CC2D2A: variants seen among roughly 807,000 people sequenced by gnomAD.
CC2D2A encodes coiled-coil and C2 domain containing 2A.
In CC2D2A, 155 loss-of-function variants were observed where a neutral mutation model predicts 212.9. The observed-to-expected ratio is 0.73, with a 90% CI of 0.64 to 0.83. The LOEUF (loss-of-function observed/expected upper bound fraction) is 0.83. Among genes scored for constraint, CC2D2A ranks in the 40% least tolerant of loss-of-function variants. The probability of loss-of-function intolerance (pLI) is 0.00; values close to 1 mark genes in which losing one functional copy is unlikely to be tolerated. For synonymous variants in CC2D2A, 667 were observed against 686.5 expected (o/e 0.97, Z 0.44); for missense variants, 1,856 against 1,956.2 (o/e 0.95, Z 0.97).
chr4:15,535,392 A>C (rs1272424915), intron 14 of CC2D2A, among the ~76,000 whole-genome samples: 1 of 152,064 alleles, frequency 6.6e-6, no homozygotes, highest in East Asian at 1.9e-4. Flanking sequence ...GGTAAACTAA[A>C]TTTATAGGCA....
In CC2D2A at chr4:15,553,149, T is replaced by C; in HGVS notation, c.2339-9T>C. On this transcript the variant is annotated splice_polypyrimidine_tract_variant and intron_variant, in intron 18 of 36. Transcript: ENST00000424120. ...AAACAGCATCCTGTTTAATCTGGTG[T>C]TTCCCCAGGAGTGCCCTTCTCATTT... 6.3e-7 allele frequency: 1 copy of C among 1,584,292 alleles called. No homozygotes were observed. Among genetic ancestry groups the C allele is most frequent in the Non-Finnish European group, 8.6e-7 (1 of 1,169,284 alleles).
At chr4:15,514,179 C>G (rs1161282065) in intron 8 of CC2D2A, among the ~76,000 whole-genome samples, 6 of 152,182 alleles carry the variant, frequency 3.9e-5, no homozygotes, top group African/African-American at 1.2e-4. Context: ...ATTACTATAA[C>G]TATCTTATAA....
chr4:15,508,971 GTTTT>G (rs1323886596), intron 6 of CC2D2A, among the ~76,000 whole-genome samples: 1 of 152,176 alleles, frequency 6.6e-6, no homozygotes, highest in East Asian at 1.9e-4. Flanking sequence ...GAGTATCTGG[GTTTT>G]AAAAGGGGTG....
In CC2D2A at chr4:15,580,073, A is replaced by G. The variant is rs746053267; in HGVS notation, c.3877A>G (p.Ile1293Val). 7 of 1,613,874 alleles carry G rather than the reference A, an allele frequency of 4.3e-6. No homozygotes were observed. The East Asian group carries it at 8.9e-5, about 21-fold the overall frequency. Residue 1293 changes from isoleucine (I) to valine (V), a missense_variant, in exon 30 of 37, where the codon ATA becomes GTA. Coordinates refer to ENST00000424120, the MANE Select transcript of CC2D2A (RefSeq NM_001378615.1). ...TCAGTGCCTTACAACAGTAATTGAT[A>G]TAAGCGGAAAAACTGTTTTTATCAC... is the stretch of plus-strand genomic sequence containing the variant. ...NRQCLTTVIDISGKTVFITRY... is the reference protein window; with the variant it reads ...NRQCLTTVIDVSGKTVFITRY...
chr4:15,560,277 C>T (rs187503240), intron 22 of CC2D2A, among the ~76,000 whole-genome samples: 4 of 152,082 alleles, frequency 2.6e-5, no homozygotes, highest in East Asian at 1.9e-4. Flanking sequence ...TCTTATATGC[C>T]GGGAACTTTA....
intron 4 of CC2D2A, among the ~76,000 whole-genome samples, chr4:15,496,314 T>G (rs1208416608): frequency 6.6e-6 from 1 of 152,220 alleles, no homozygotes; most frequent in Non-Finnish European, 1.5e-5. Context: ...CCAGGGCCAG[T>G]GTCCAGAATG....
intron 29 of CC2D2A, among the ~76,000 whole-genome samples, chr4:15,578,702 T>G (rs1425082962): frequency 6.6e-6 from 1 of 152,214 alleles, no homozygotes; most frequent in African/African-American, 2.4e-5. Flanking sequence ...CTCAGCTCAC[T>G]GCAACCTCCG....
intron 26 of CC2D2A, 74 bp downstream of exon 26, chr4:15,567,860 C>T (rs570421956): frequency 2.8e-4 from 301 of 1,080,806 alleles, no homozygotes; most frequent in African/African-American, 2.1e-3. Context: ...TCATGAGAAA[C>T]GGCTAAGGTG....
At chr4:15,585,569 C>T (rs1233319373) in intron 30 of CC2D2A, among the ~76,000 whole-genome samples, 3 of 152,130 alleles carry the variant, frequency 2.0e-5, no homozygotes, top group Non-Finnish European at 4.4e-5. Context: ...TGTTCTATTA[C>T]ACAGTATGAT....
In CC2D2A at chr4:15,540,805, T is replaced by C. The variant is rs1461291353; in HGVS notation, c.2004-32T>C. 3 of 1,569,140 alleles carry C rather than the reference T, an allele frequency of 1.9e-6. No individual in the cohort carries two copies. In the Admixed American group the frequency reaches 5.6e-5, roughly 29 times the overall value. On this transcript the variant is annotated intron_variant, in intron 16 of 36. Coordinates refer to ENST00000424120, the MANE Select transcript of CC2D2A (RefSeq NM_001378615.1). ...TTTGGTGATCTTAGTAAATTATTACTAACTCCACCTGTGAATGGTCTCCTT... is the reference window on the plus strand; with the variant it reads ...TTTGGTGATCTTAGTAAATTATTACCAACTCCACCTGTGAATGGTCTCCTT...
At chr4:15,530,565 G>A (rs938597274) in intron 13 of CC2D2A, among the ~76,000 whole-genome samples, 5 of 151,940 alleles carry the variant, frequency 3.3e-5, no homozygotes, top group African/African-American at 7.3e-5. Flanking sequence ...TCAGAAATAC[G>A]TGTGAGATCT....
At chr4:15,530,444 G>A (rs1055527145) in intron 13 of CC2D2A, among the ~76,000 whole-genome samples, 1 of 152,088 alleles carries the variant, frequency 6.6e-6, no homozygotes, top group African/African-American at 2.4e-5. Context: ...GTCTCCTTGT[G>A]AGAATAATTT....
At chr4:15,561,516 T>C (rs1719599643) in intron 23 of CC2D2A, 1 of 152,190 alleles carries the variant, frequency 6.6e-6, no homozygotes, top group South Asian at 2.1e-4. Context: ...ACACTTAGAA[T>C]AGATGATGAT....
chr4:15,580,637 CAAAAAA>C (rs58107216), intron 30 of CC2D2A, among the ~76,000 whole-genome samples: 2 of 89,432 alleles, frequency 2.2e-5, no homozygotes, highest in South Asian at 3.8e-4. Context: ...GACTCTGTCT[CAAAAAA>C]AAAAAAAAAA....
chr4:15,485,334 A>G (rs1714935212), intron 4 of CC2D2A, among the ~76,000 whole-genome samples: 1 of 152,230 alleles, frequency 6.6e-6, no homozygotes, highest in Admixed American at 6.5e-5. Flanking sequence ...GCTGAATAAT[A>G]TTCCATTGTG....
intron 33 of CC2D2A, among the ~76,000 whole-genome samples, chr4:15,590,563 T>C (rs1384986175): frequency 6.6e-6 from 1 of 152,070 alleles, no homozygotes; most frequent in Non-Finnish European, 1.5e-5. Flanking sequence ...AAACTCCAAT[T>C]TTATCATTTA....
intron 4 of CC2D2A, among the ~76,000 whole-genome samples, chr4:15,491,190 G>A (rs571272266): frequency 6.6e-6 from 1 of 152,254 alleles, no homozygotes; most frequent in East Asian, 1.9e-4. Context: ...CAAAGTGGCT[G>A]CATCATTTTA....
chr4:15,590,313 G>A (rs534487340), intron 33 of CC2D2A, among the ~76,000 whole-genome samples: 33 of 152,262 alleles, frequency 2.2e-4, no homozygotes, highest in African/African-American at 7.0e-4. Context: ...TCAGGAGTTC[G>A]AGACCAGCCT....
rs745366586 is a variant in CC2D2A at position 15,537,086 on chromosome 4, C to T, written c.1764+10C>T. On this transcript the variant is annotated intron_variant, in intron 15 of 36. Coordinates refer to ENST00000424120, the MANE Select transcript of CC2D2A (RefSeq NM_001378615.1). ...CTGGAGGAAAGTGCAAGTGTGTAAA[C>T]AAACACTCAGCCTGGAATAGGGCTG... is the stretch of plus-strand genomic sequence containing the variant. 1 of 1,612,204 alleles carries T rather than the reference C, an allele frequency of 6.2e-7. No individual in the cohort carries two copies. Among genetic ancestry groups the T allele is most frequent in the Admixed American group, 1.7e-5 (1 of 59,932 alleles).
Sources: gnomAD v4.1 joint callset for allele counts (sites outside exome capture counted in the v4.1 genomes callset) on GRCh38, gnomAD v4.1.1 for gene constraint, MANE v1.5 for transcripts, NCBI Gene and HGNC (gene_info 2026-07-23, HGNC 2026-07-21) for gene names.